WWOX: variants seen among roughly 807,000 people sequenced by gnomAD.
The protein encoded by WWOX is WW domain-containing oxidoreductase.
WWOX carries 69 observed loss-of-function variants against 46.2 expected under a neutral mutation model. The observed-to-expected ratio is 1.49, with a 90% confidence interval of 1.23 to 1.82. The LOEUF (loss-of-function observed/expected upper bound fraction) is 1.82. Among genes scored for constraint, WWOX ranks in the 40% most tolerant of loss-of-function variants. The probability of loss-of-function intolerance (pLI) is 0.00; values close to 1 mark genes in which losing one functional copy is unlikely to be tolerated. For missense variants in WWOX, 919 were observed against 542.6 expected (o/e 1.69, Z -6.89); for synonymous variants, 359 against 202.6 (o/e 1.77, Z -6.56).
intron 8 of WWOX, among the ~76,000 whole-genome samples, chr16:78,568,403 C>T (rs760769827): frequency 1.3e-5 from 2 of 151,498 alleles, no homozygotes; most frequent in Non-Finnish European, 2.9e-5. Context: ...GAGTTATTAC[C>T]AAGAAATTGC....
chr16:78,150,732 T>G (rs2034376043), intron 4 of WWOX, among the ~76,000 whole-genome samples: 1 of 152,178 alleles, frequency 6.6e-6, no homozygotes, highest in Admixed American at 6.5e-5. Context: ...ATTACTTAAA[T>G]CATTGGCCAT....
chr16:78,299,857 A>C (rs934023654), intron 5 of WWOX, among the ~76,000 whole-genome samples: 1 of 152,102 alleles, frequency 6.6e-6, no homozygotes, highest in East Asian at 1.9e-4. Context: ...CAAGCAGGAC[A>C]TCAAAGTTGA....
chr16:78,784,666 T>C (rs73575613), intron 8 of WWOX, among the ~76,000 whole-genome samples: 3 of 152,318 alleles, frequency 2.0e-5, no homozygotes, highest in African/African-American at 7.2e-5. Flanking sequence ...AGGCTCACAG[T>C]CAGTGTCAGT....
chr16:79,019,013 C>T (rs1366625271), intron 8 of WWOX, among the ~76,000 whole-genome samples: 2 of 151,580 alleles, frequency 1.3e-5, no homozygotes, highest in East Asian at 1.9e-4. Context: ...TTTAGCCGGG[C>T]AGGCATGGTG....
intron 5 of WWOX, among the ~76,000 whole-genome samples, chr16:78,192,127 A>G (rs1250912989): frequency 2.0e-5 from 3 of 152,186 alleles, no homozygotes; most frequent in African/African-American, 4.8e-5. Flanking sequence ...AAACCTCAGC[A>G]TAATGCAATA....
intron 8 of WWOX, among the ~76,000 whole-genome samples, chr16:78,476,741 C>G (rs1239283550): frequency 2.0e-5 from 3 of 152,074 alleles, no homozygotes; most frequent in African/African-American, 7.2e-5. Flanking sequence ...CAGTTGAAGA[C>G]CTAAATGAGT....
intron 8 of WWOX, among the ~76,000 whole-genome samples, chr16:78,437,115 G>T (rs913672562): frequency 2.0e-5 from 3 of 152,156 alleles, no homozygotes; most frequent in African/African-American, 7.2e-5. Flanking sequence ...ATGAGGTCAG[G>T]GGAGCAAGAA....
chr16:79,067,197 C>T (rs1437529503), intron 8 of WWOX, among the ~76,000 whole-genome samples: 1 of 152,166 alleles, frequency 6.6e-6, no homozygotes, highest in Non-Finnish European at 1.5e-5. Flanking sequence ...TGAGATCTGT[C>T]TTTGCTTCTG....
chr16:78,566,357 C>G (rs757832795), intron 8 of WWOX, among the ~76,000 whole-genome samples: 5 of 152,158 alleles, frequency 3.3e-5, no homozygotes, highest in Non-Finnish European at 5.9e-5. Flanking sequence ...CTAAGTGATT[C>G]AGAAAATAGC....
chr16:78,460,294 G>GT (rs1407121880), intron 8 of WWOX, among the ~76,000 whole-genome samples: 2 of 152,010 alleles, frequency 1.3e-5, no homozygotes, highest in African/African-American at 4.8e-5. Context: ...CACCCAGCTA[G>GT]TTTTTCTATT....
At chr16:78,845,894 T>TC (rs1450057414) in intron 8 of WWOX, among the ~76,000 whole-genome samples, 1 of 152,200 alleles carries the variant, frequency 6.6e-6, no homozygotes. Context: ...TGCCTCATTT[T>TC]CCCCATTTAA....
chr16:78,594,429 GCCCCCCCC>G (rs138806967), intron 8 of WWOX, among the ~76,000 whole-genome samples: 1 of 32,380 alleles, frequency 3.1e-5, no homozygotes, highest in Admixed American at 6.2e-4. Context: ...CTGAGGAAAG[GCCCCCCCC>G]CCCCCCCCGC....
intron 5 of WWOX, among the ~76,000 whole-genome samples, chr16:78,318,530 A>T (rs1321108118): frequency 6.6e-6 from 1 of 152,172 alleles, no homozygotes; most frequent in Non-Finnish European, 1.5e-5. Flanking sequence ...AACAAATGTT[A>T]AGAACACAAC....
At position 78,830,177 on chromosome 16, in the gene WWOX, A is replaced by G. The variant is rs370764575; in HGVS notation, c.1057-381431A>G. 5.9e-5 allele frequency among the ~76,000 whole-genome samples: 9 copies of G among 152,348 alleles called. No individual in the cohort carries two copies. The East Asian group carries it at 1.7e-3, about 29-fold the overall frequency. ...CAGCAAGAGCTGCCGCAATGAAAGA[A>G]GAAAGAAAAGGAGGGAGAGGATGAA... is the stretch of plus-strand genomic sequence containing the variant. On this transcript the variant is annotated intron_variant, in intron 8 of 8. Transcript: ENST00000566780.
At chr16:78,438,913 C>T (rs1031749054) in intron 8 of WWOX, among the ~76,000 whole-genome samples, 5 of 152,084 alleles carry the variant, frequency 3.3e-5, no homozygotes, top group African/African-American at 9.7e-5. Context: ...GAAAGCCAAA[C>T]GGGGTAATTC....
chr16:78,834,900 G>A lies in WWOX; in HGVS notation c.1057-376708G>A, dbSNP rs76899612. Among the ~76,000 whole-genome samples, 17 of 152,180 alleles carry A rather than the reference G, an allele frequency of 1.1e-4. 1 individual carries two copies. The East Asian group carries it at 1.2e-3, about 10-fold the overall frequency. On this transcript the variant is annotated intron_variant, in intron 8 of 8. Transcript: ENST00000566780. ...TAATGACTGTTTGTAATAATCATGC[G>A]TACCACCTTAGTCTGAGCAATCATA...
chr16:78,714,022 G>T (rs946276119), intron 8 of WWOX, among the ~76,000 whole-genome samples: 1 of 152,126 alleles, frequency 6.6e-6, no homozygotes. Flanking sequence ...CATTTGGGGG[G>T]AAGGTAAGGG....
At chr16:78,723,931 A>G (rs1300132458) in intron 8 of WWOX, among the ~76,000 whole-genome samples, 1 of 152,142 alleles carries the variant, frequency 6.6e-6, no homozygotes, top group Non-Finnish European at 1.5e-5. Flanking sequence ...GAGGACCTAG[A>G]CTTCACCTGC....
At chr16:78,422,750 CAT>C (rs577129479) in intron 6 of WWOX, among the ~76,000 whole-genome samples, 7 of 94,552 alleles carry the variant, frequency 7.4e-5, no homozygotes, top group East Asian at 2.9e-4. Flanking sequence ...TATATATACA[CAT>C]ATATACACAT....
Sources: allele counts gnomAD v4.1 joint callset (sites outside exome capture counted in the v4.1 genomes callset), GRCh38; gene constraint gnomAD v4.1.1; transcripts MANE v1.5; gene names NCBI Gene and HGNC (gene_info 2026-07-23, HGNC 2026-07-21).